Variants in DLGAP2 observed in about 807,000 individuals in gnomAD.
The protein encoded by DLGAP2 is DLG associated protein 2.
DLGAP2 carries 26 observed loss-of-function variants against 100.3 expected under a neutral mutation model. The observed-to-expected ratio is 0.26, with a 90% CI of 0.19 to 0.36. The LOEUF (loss-of-function observed/expected upper bound fraction) is 0.36. DLGAP2 is among the 10% of genes least tolerant of loss of function. The pLI, the probability that DLGAP2 is intolerant of heterozygous loss-of-function variation, is 1.00. For missense variants in DLGAP2, 1,858 were observed against 1,453.2 expected (o/e 1.28, Z -4.53); for synonymous variants, 886 against 630.1 (o/e 1.41, Z -6.08).
intron 2 of DLGAP2, among the ~76,000 whole-genome samples, chr8:931,585 C>T (rs1274573993): frequency 6.6e-6 from 1 of 152,090 alleles, no homozygotes; most frequent in Non-Finnish European, 1.5e-5. Flanking sequence ...CATTTGGCTC[C>T]CGGGAAGCTT....
chr8:1,210,384 G>C (rs930147247), intron 2 of DLGAP2, among the ~76,000 whole-genome samples: 38 of 152,332 alleles, frequency 2.5e-4, no homozygotes, highest in African/African-American at 8.9e-4. Context: ...GCAGCCTGCA[G>C]CAGGGGAACT....
chr8:1,260,182 A>T (rs1485126511), intron 3 of DLGAP2, among the ~76,000 whole-genome samples: 12 of 151,994 alleles, frequency 7.9e-5, no homozygotes, highest in Non-Finnish European at 1.8e-4. Flanking sequence ...AGGATGATGA[A>T]ATTCTGCAGC....
chr8:796,191 A>C (rs1255153197), intron 1 of DLGAP2, among the ~76,000 whole-genome samples: 1 of 152,184 alleles, frequency 6.6e-6, no homozygotes, highest in Non-Finnish European at 1.5e-5. Flanking sequence ...CAGTGTGAGC[A>C]CAGCTTTGGG....
intron 2 of DLGAP2, among the ~76,000 whole-genome samples, chr8:1,223,154 G>C (rs1304752516): frequency 6.6e-6 from 1 of 152,160 alleles, no homozygotes; most frequent in Non-Finnish European, 1.5e-5. Context: ...GTTTCCCTTA[G>C]TCCTCCCCTA....
At chr8:1,109,096 G>A (rs1266958205) in intron 2 of DLGAP2, among the ~76,000 whole-genome samples, 3 of 139,064 alleles carry the variant, frequency 2.2e-5, no homozygotes, top group Admixed American at 7.1e-5. Context: ...GGTCTGTGAG[G>A]TGTGCACGGG....
chr8:805,399 G>C (rs1294563686), intron 1 of DLGAP2, among the ~76,000 whole-genome samples: 3 of 152,044 alleles, frequency 2.0e-5, no homozygotes, highest in Non-Finnish European at 4.4e-5. Context: ...TTCTTCCTAT[G>C]GTGCTTCCTC....
At chr8:1,321,147 A>C (rs1800890122) in intron 3 of DLGAP2, among the ~76,000 whole-genome samples, 1 of 148,456 alleles carries the variant, frequency 6.7e-6, no homozygotes, top group African/African-American at 2.5e-5. Context: ...GCATGTGTGC[A>C]TGCATCCGTG....
intron 2 of DLGAP2, among the ~76,000 whole-genome samples, chr8:1,178,337 G>A (rs1422229565): frequency 6.6e-6 from 1 of 152,136 alleles, no homozygotes; most frequent in Non-Finnish European, 1.5e-5. Flanking sequence ...GTGTCTGCTG[G>A]CCGGGGTTGC....
At chr8:1,056,548 G>A (rs1265922227) in intron 2 of DLGAP2, among the ~76,000 whole-genome samples, 1 of 152,182 alleles carries the variant, frequency 6.6e-6, no homozygotes, top group African/African-American at 2.4e-5. Flanking sequence ...CCCTAAGCCA[G>A]CAGGACTCCA....
At chr8:1,297,362 A>G (rs1329365527) in intron 3 of DLGAP2, 1 of 152,376 alleles carries the variant, frequency 6.6e-6, no homozygotes, top group Non-Finnish European at 1.5e-5. Context: ...CTCTCTAAGA[A>G]CCAGAGCTTC....
intron 1 of DLGAP2, among the ~76,000 whole-genome samples, chr8:771,138 C>G (rs1434174477): frequency 6.6e-6 from 1 of 152,098 alleles, no homozygotes; most frequent in Non-Finnish European, 1.5e-5. Context: ...GTAAAATTAC[C>G]TAATTTATGT....
At chr8:1,171,066 A>G (rs1018780358) in intron 2 of DLGAP2, among the ~76,000 whole-genome samples, 3 of 151,826 alleles carry the variant, frequency 2.0e-5, no homozygotes, top group African/African-American at 7.3e-5. Flanking sequence ...TGTGTCCGAG[A>G]TTCTGGTATG....
intron 2 of DLGAP2, among the ~76,000 whole-genome samples, chr8:1,205,117 G>A (rs900591227): frequency 6.6e-6 from 1 of 152,212 alleles, no homozygotes; most frequent in Non-Finnish European, 1.5e-5. Flanking sequence ...GGCCAGGTGG[G>A]AATTTCTGCA....
chr8:1,517,667 T>C (rs1318273476), intron 4 of DLGAP2, among the ~76,000 whole-genome samples: 1 of 152,200 alleles, frequency 6.6e-6, no homozygotes, highest in East Asian at 1.9e-4. Flanking sequence ...GGGCCTCCCG[T>C]TTCTGGCTAG....
intron 7 of DLGAP2, among the ~76,000 whole-genome samples, chr8:1,629,266 A>T (rs937107050): frequency 5.3e-5 from 8 of 152,008 alleles, no homozygotes; most frequent in African/African-American, 1.9e-4. Context: ...TCTTTTATCT[A>T]CTCGGTTACT....
At chr8:1,012,356 C>CTGTA (rs1801314100) in intron 2 of DLGAP2, among the ~76,000 whole-genome samples, 1 of 152,246 alleles carries the variant, frequency 6.6e-6, no homozygotes, top group Non-Finnish European at 1.5e-5. Flanking sequence ...CACACAGATA[C>CTGTA]TGTACTGTGA....
chr8:1,276,960 A>C (rs1270845042), intron 3 of DLGAP2, among the ~76,000 whole-genome samples: 2 of 152,198 alleles, frequency 1.3e-5, no homozygotes, highest in Admixed American at 1.3e-4. Context: ...ATATGTTCCT[A>C]AATATCATTT....
intron 3 of DLGAP2, among the ~76,000 whole-genome samples, chr8:1,279,686 G>C (rs1390456047): frequency 6.6e-6 from 1 of 152,184 alleles, no homozygotes; most frequent in African/African-American, 2.4e-5. Flanking sequence ...AGTTGGTGCT[G>C]GCTTCCAAGC....
intron 3 of DLGAP2, among the ~76,000 whole-genome samples, chr8:1,418,242 T>C (rs1272470927): frequency 6.6e-6 from 1 of 152,216 alleles, no homozygotes; most frequent in Non-Finnish European, 1.5e-5. Flanking sequence ...ATTTAAGAAA[T>C]GGATATTGTA....
Sources: gnomAD v4.1 joint callset for allele counts (sites outside exome capture counted in the v4.1 genomes callset) on GRCh38, gnomAD v4.1.1 for gene constraint, MANE v1.5 for transcripts, NCBI Gene and HGNC (gene_info 2026-07-23, HGNC 2026-07-21) for gene names.